The following EDAR variants were observed in gnomAD, a reference collection of about 807,000 sequenced individuals.
EDAR encodes ectodysplasin A receptor.
EDAR carries 38 observed loss-of-function variants against 51.3 expected under a neutral mutation model. That is an observed-to-expected ratio of 0.74 (90% CI 0.57 to 0.97). EDAR has a LOEUF of 0.97. EDAR is among the 50% of genes least tolerant of loss of function. The pLI is 0.00. For synonymous variants in EDAR, 227 were observed against 242.1 expected (o/e 0.94, Z 0.58); for missense variants, 528 against 595.0 (o/e 0.89, Z 1.17).
At chr2:108,971,079 CACT>C (rs1698224174) in intron 1 of EDAR, among the ~76,000 whole-genome samples, 1 of 152,084 alleles carries the variant, frequency 6.6e-6, no homozygotes, top group South Asian at 2.1e-4. Flanking sequence ...AGACCGTGCT[CACT>C]GGGGGATTCT....
At chr2:108,910,197 G>A (rs1696892255) in intron 9 of EDAR, among the ~76,000 whole-genome samples, 1 of 152,232 alleles carries the variant, frequency 6.6e-6, no homozygotes, top group South Asian at 2.1e-4. Flanking sequence ...GAATTCGGAT[G>A]TTAAGGAGGA....
intron 9 of EDAR, among the ~76,000 whole-genome samples, chr2:108,910,192 C>T (rs931511564): frequency 2.6e-5 from 4 of 152,194 alleles, no homozygotes; most frequent in South Asian, 2.1e-4. Flanking sequence ...ATGAGGAATT[C>T]GGATGTTAAG....
chr2:108,925,537 C>T (rs886829286), intron 4 of EDAR, among the ~76,000 whole-genome samples: 1 of 152,216 alleles, frequency 6.6e-6, no homozygotes, highest in Non-Finnish European at 1.5e-5. Flanking sequence ...AGGCTGGCCA[C>T]CCTCATCTGT....
At chr2:108,952,879 TGTCA>T (rs751086197) in intron 1 of EDAR, among the ~76,000 whole-genome samples, 1 of 152,250 alleles carries the variant, frequency 6.6e-6, no homozygotes, top group African/African-American at 2.4e-5. Context: ...CTCCCAAACC[TGTCA>T]GTCTTGACTT....
chr2:108,911,941 A>G (rs772789798), intron 6 of EDAR, among the ~76,000 whole-genome samples: 1 of 152,222 alleles, frequency 6.6e-6, no homozygotes, highest in Non-Finnish European at 1.5e-5. Flanking sequence ...GGTCTGGATG[A>G]CATAAGTGTT....
At chr2:108,936,838 A>AAGC (rs1697478935) in intron 1 of EDAR, among the ~76,000 whole-genome samples, 1 of 152,194 alleles carries the variant, frequency 6.6e-6, no homozygotes, top group Admixed American at 6.5e-5. Flanking sequence ...AGCAGGAGGA[A>AAGC]AGCAGAGAAG....
At chr2:108,966,890 A>T (rs1004890125) in intron 1 of EDAR, among the ~76,000 whole-genome samples, 4 of 152,082 alleles carry the variant, frequency 2.6e-5, no homozygotes, top group African/African-American at 9.7e-5. Context: ...ACAGAGAGGG[A>T]CCCTCTTTAC....
At chr2:108,927,866 T>A (rs7586908) in intron 4 of EDAR, among the ~76,000 whole-genome samples, 1 of 152,156 alleles carries the variant, frequency 6.6e-6, no homozygotes, top group African/African-American at 2.4e-5. Context: ...TATTTCCACA[T>A]GGCCAGTCAT....
At chr2:108,932,811 T>C (rs1345969324) in intron 1 of EDAR, among the ~76,000 whole-genome samples, 2 of 152,194 alleles carry the variant, frequency 1.3e-5, no homozygotes, top group Admixed American at 6.5e-5. Context: ...ATTCAAACCA[T>C]AGCAGCATGG....
chr2:108,945,453 C>A (rs1697697386), intron 1 of EDAR, among the ~76,000 whole-genome samples: 1 of 152,112 alleles, frequency 6.6e-6, no homozygotes, highest in African/African-American at 2.4e-5. Flanking sequence ...TTGAGACTTA[C>A]TAATTTATTA....
intron 11 of EDAR, among the ~76,000 whole-genome samples, chr2:108,902,173 G>A (rs1696713158): frequency 6.6e-6 from 1 of 151,364 alleles, no homozygotes; most frequent in Non-Finnish European, 1.5e-5. Context: ...GGGAGGTGGA[G>A]GTTGCCAGCC....
chr2:108,940,122 T>C (rs1697565092), intron 1 of EDAR: 1 of 152,274 alleles, frequency 6.6e-6, no homozygotes, highest in Non-Finnish European at 1.5e-5. Flanking sequence ...GAACCATTTA[T>C]TGGCACCAGG....
chr2:108,931,912 C>T (rs555174014), intron 1 of EDAR, among the ~76,000 whole-genome samples: 1 of 152,126 alleles, frequency 6.6e-6, no homozygotes, highest in African/African-American at 2.4e-5. Context: ...CACAACAAAA[C>T]AGCAAGTACT....
chr2:108,964,720 C>T (rs1361862856), intron 1 of EDAR, among the ~76,000 whole-genome samples: 1 of 152,228 alleles, frequency 6.6e-6, no homozygotes, highest in African/African-American at 2.4e-5. Context: ...AATCCACACT[C>T]TCCGTTACGC....
intron 1 of EDAR, among the ~76,000 whole-genome samples, chr2:108,962,623 C>G (rs260688): frequency 0.72 from 105,263 of 146,750 alleles, 43,104 homozygotes; most frequent in Non-Finnish European, 0.94. Flanking sequence ...TGCAGAGAGC[C>G]GAGATCGCTC....
chr2:108,915,421 G>A (rs1348206091), intron 5 of EDAR, among the ~76,000 whole-genome samples: 1 of 152,170 alleles, frequency 6.6e-6, no homozygotes, highest in Admixed American at 6.5e-5. Context: ...GGCTTGGGAG[G>A]GACCAGGGCA....
intron 1 of EDAR, among the ~76,000 whole-genome samples, chr2:108,971,367 C>A (rs1374769258): frequency 6.6e-6 from 1 of 152,076 alleles, no homozygotes; most frequent in Non-Finnish European, 1.5e-5. Flanking sequence ...CCGAGACCTC[C>A]AGTATCAAAA....
At chr2:108,947,133 A>G (rs1031665860) in intron 1 of EDAR, among the ~76,000 whole-genome samples, 1 of 152,226 alleles carries the variant, frequency 6.6e-6, no homozygotes, top group Admixed American at 6.5e-5. Context: ...CATAGGCCCC[A>G]TGCAAAAGTC....
At chr2:108,908,503 G>A (rs2105395483) in intron 9 of EDAR, among the ~76,000 whole-genome samples, 1 of 152,310 alleles carries the variant, frequency 6.6e-6, no homozygotes, top group Admixed American at 6.5e-5. Context: ...GGAGCCTTGT[G>A]CCTGGAAAGC....
Sources: allele counts gnomAD v4.1 joint callset (sites outside exome capture counted in the v4.1 genomes callset), GRCh38; gene constraint gnomAD v4.1.1; transcripts MANE v1.5; gene names NCBI Gene and HGNC (gene_info 2026-07-23, HGNC 2026-07-21).